The following TMEFF1 variants were observed in gnomAD, a reference collection of about 807,000 sequenced individuals.
The protein encoded by TMEFF1 is tomoregulin-1.
A neutral mutation model predicts 47.5 loss-of-function variants in TMEFF1; 20 were observed. The observed-to-expected ratio is 0.42, with a 90% confidence interval of 0.30 to 0.61. TMEFF1 has a LOEUF of 0.61. Among genes scored for constraint, TMEFF1 ranks in the 20% least tolerant of loss-of-function variants. The pLI is 0.19. For synonymous variants in TMEFF1, 162 were observed against 166.3 expected, an observed-to-expected ratio of 0.97 and a Z score of 0.20; for missense variants, 411 against 471.1, an observed-to-expected ratio of 0.87 and a Z score of 1.18.
intron 1 of TMEFF1, among the ~76,000 whole-genome samples, chr9:100,486,129 C>T (rs1032215520): frequency 6.6e-6 from 1 of 151,198 alleles, no homozygotes; most frequent in African/African-American, 2.4e-5. Flanking sequence ...GTTATAAGAG[C>T]AGTATATAAT....
At chr9:100,531,819 C>G (rs539076052) in intron 5 of TMEFF1, among the ~76,000 whole-genome samples, 7 of 152,320 alleles carry the variant, frequency 4.6e-5, no homozygotes, top group Non-Finnish European at 8.8e-5. Context: ...GTGGAGGCAT[C>G]ACACTACCTG....
At chr9:100,499,755 A>C (rs1837724184) in intron 2 of TMEFF1, among the ~76,000 whole-genome samples, 1 of 152,214 alleles carries the variant, frequency 6.6e-6, no homozygotes, top group African/African-American at 2.4e-5. Flanking sequence ...ACCCTTACTT[A>C]TGATACTGTA....
chr9:100,482,735 T>G (rs975684223), intron 1 of TMEFF1, among the ~76,000 whole-genome samples: 1 of 152,184 alleles, frequency 6.6e-6, no homozygotes, highest in Non-Finnish European at 1.5e-5. Flanking sequence ...AGAGTCAAAT[T>G]GGTGTACATT....
At chr9:100,524,794 T>C (rs1465810809) in intron 5 of TMEFF1, among the ~76,000 whole-genome samples, 19 of 152,158 alleles carry the variant, frequency 1.2e-4, no homozygotes, top group Admixed American at 1.2e-3. Context: ...GTGCACAACG[T>C]GCAGATTTGT....
intron 9 of TMEFF1, among the ~76,000 whole-genome samples, chr9:100,575,890 G>A (rs13295029): frequency 0.13 from 19,931 of 151,948 alleles, 1,613 homozygotes; most frequent in Middle Eastern, 0.22. Flanking sequence ...GTTGAGAAAC[G>A]TGGTAAAATG....
rs1839365223 is a variant in TMEFF1 at position 100,577,083 on chromosome 9, A to C, written c.*483A>C. The C allele has an allele frequency of 6.5e-6, 1 of 153,602 alleles. No homozygotes were observed. Among genetic ancestry groups the C allele is most frequent in the Admixed American group, 6.4e-5 (1 of 15,506 alleles). 9.5% of individuals were successfully genotyped at this position (153,602 alleles called of 1,614,324 possible). ...GACACTGCCTATCGCATGAACTGTA[A>C]AGCTGTGTGTATTAGGTGTAAAATA... On this transcript the variant is annotated 3_prime_UTR_variant, in exon 10 of 10. Coordinates refer to ENST00000374879, the MANE Select transcript of TMEFF1 (RefSeq NM_003692.5).
intron 7 of TMEFF1, among the ~76,000 whole-genome samples, chr9:100,558,502 C>T (rs1276274236): frequency 1.3e-5 from 2 of 151,514 alleles, no homozygotes; most frequent in African/African-American, 4.8e-5. Flanking sequence ...AACTATTTCT[C>T]ATCAAAGCTA....
intron 5 of TMEFF1, among the ~76,000 whole-genome samples, chr9:100,542,559 C>T (rs1930238): frequency 0.15 from 23,094 of 152,218 alleles, 2,002 homozygotes; most frequent in African/African-American, 0.21. Flanking sequence ...TCTACCTTAG[C>T]GCATAGCAGG....
chr9:100,562,614 C>T (rs1403476657), intron 8 of TMEFF1, among the ~76,000 whole-genome samples: 2 of 149,506 alleles, frequency 1.3e-5, no homozygotes, highest in Non-Finnish European at 3.0e-5. Flanking sequence ...TGGTAACAGG[C>T]CAGGTTTTTT....
chr9:100,558,497 T>C (rs1407209286), intron 7 of TMEFF1, among the ~76,000 whole-genome samples: 1 of 151,534 alleles, frequency 6.6e-6, no homozygotes, highest in Non-Finnish European at 1.5e-5. Context: ...TGATAAACTA[T>C]TTCTCATCAA....
chr9:100,576,544 C>T lies in TMEFF1; in HGVS notation c.1087C>T (p.Arg363Ter), dbSNP rs200469769. The T allele has an allele frequency of 7.4e-6, 12 of 1,612,720 alleles. No individual in the cohort carries two copies. The highest frequency in any genetic ancestry group is 8.5e-6 in the Non-Finnish European group (10 of 1,179,416). The change falls in exon 10 of 10, where the codon CGA becomes TGA. Residue 363 changes from arginine to a stop codon, truncating the protein, a stop_gained. Coordinates refer to ENST00000374879, the MANE Select transcript of TMEFF1 (RefSeq NM_003692.5). LOFTEE classifies it high-confidence loss of function. ...ATGCCCCAAAAACAATAGAGGACGT[C>T]GACAGAAGCAAAACCTAGGTCATTT... ...RKCPKNNRGR[R>*]QKQNLGHFTS... is the part of the protein sequence containing the mutation.
At chr9:100,568,908 T>G (rs1339139585) in intron 8 of TMEFF1, among the ~76,000 whole-genome samples, 1 of 152,174 alleles carries the variant, frequency 6.6e-6, no homozygotes, top group East Asian at 1.9e-4. Flanking sequence ...AGTACTTCAT[T>G]CCTTTTTGTG....
At chr9:100,512,264 T>C (rs905486937) in intron 3 of TMEFF1, among the ~76,000 whole-genome samples, 5 of 152,220 alleles carry the variant, frequency 3.3e-5, no homozygotes, top group Non-Finnish European at 5.9e-5. Context: ...TTAATCAAAA[T>C]TGAACATAAT....
intron 4 of TMEFF1, among the ~76,000 whole-genome samples, chr9:100,514,695 A>ACCC (rs1564015014): frequency 2.6e-5 from 4 of 151,312 alleles, no homozygotes; most frequent in African/African-American, 9.7e-5. Flanking sequence ...TACCCCAAAA[A>ACCC]AAAAAAAAAA....
chr9:100,486,857 C>T (rs750951933), intron 1 of TMEFF1, among the ~76,000 whole-genome samples: 6 of 152,104 alleles, frequency 3.9e-5, no homozygotes, highest in Non-Finnish European at 8.8e-5. Context: ...AGGCTGGTCT[C>T]GAACTCCTGG....
chr9:100,500,666 G>A (rs1299794854), intron 2 of TMEFF1, among the ~76,000 whole-genome samples: 1 of 152,170 alleles, frequency 6.6e-6, no homozygotes, highest in Non-Finnish European at 1.5e-5. Flanking sequence ...TTTAAAATAT[G>A]TCTGCTAATG....
At chr9:100,507,063 C>T (rs1186822034) in intron 2 of TMEFF1, among the ~76,000 whole-genome samples, 1 of 152,048 alleles carries the variant, frequency 6.6e-6, no homozygotes, top group Non-Finnish European at 1.5e-5. Flanking sequence ...CTGTTGTTCC[C>T]ATCTTTATGT....
At chr9:100,504,147 A>G (rs1487388393) in intron 2 of TMEFF1, among the ~76,000 whole-genome samples, 2 of 152,230 alleles carry the variant, frequency 1.3e-5, no homozygotes, top group Non-Finnish European at 2.9e-5. Context: ...CTTCCTCCCA[A>G]CAAGGGTGGC....
At chr9:100,518,568 G>A in intron 5 of TMEFF1, 1 of 908,850 alleles carries the variant, frequency 1.1e-6, no homozygotes, top group Non-Finnish European at 1.3e-6. Flanking sequence ...GCAACAAGAG[G>A]AAAATACGAA....
Sources: allele counts gnomAD v4.1 joint callset (sites outside exome capture counted in the v4.1 genomes callset), GRCh38; gene constraint gnomAD v4.1.1; transcripts MANE v1.5; gene names NCBI Gene and HGNC (gene_info 2026-07-23, HGNC 2026-07-21).